The following DPH6 variants were observed in gnomAD, a reference collection of about 807,000 sequenced individuals.
The protein encoded by DPH6 is diphthine--ammonia ligase.
In DPH6, 33 loss-of-function variants were observed where a neutral mutation model predicts 38.2. The ratio of observed to expected loss-of-function variants is 0.86; its 90% CI spans 0.65 to 1.15. The LOEUF is 1.15. Ranked by LOEUF, DPH6 falls within the 50% of genes most tolerant of loss-of-function variation. DPH6 has a pLI of 0.00. For missense variants in DPH6, 325 were observed against 320.0 expected, an observed-to-expected ratio of 1.02 and a Z score of -0.12; for synonymous variants, 108 against 103.0, an observed-to-expected ratio of 1.05 and a Z score of -0.30.
At chr15:35,164,554 T>A in the DPH6 span, among the ~76,000 whole-genome samples, 1 of 151,930 alleles carries the variant, frequency 6.6e-6, no homozygotes, top group Non-Finnish European at 1.5e-5. Context: ...GTATTCATTC[T>A]AAATTAAAAG....
intron 3 of DPH6, among the ~76,000 whole-genome samples, chr15:35,473,768 C>T (rs1420119486): frequency 6.6e-6 from 1 of 152,042 alleles, no homozygotes; most frequent in Non-Finnish European, 1.5e-5. Flanking sequence ...CTAAATGCTC[C>T]TCAGTAGGGC....
At chr15:35,314,139 CT>C (rs1458125901) in intron 3 of DPH6, among the ~76,000 whole-genome samples, 1 of 150,590 alleles carries the variant, frequency 6.6e-6, no homozygotes, top group Admixed American at 6.6e-5. Context: ...GTCAAGAGCT[CT>C]GAATAGACAT....
intron 3 of DPH6, among the ~76,000 whole-genome samples, chr15:35,354,374 T>C (rs1344130588): frequency 6.6e-6 from 1 of 152,194 alleles, no homozygotes; most frequent in Non-Finnish European, 1.5e-5. Flanking sequence ...TCAAAGGGAA[T>C]GCTTCCAGTT....
At chr15:35,211,212 G>A in the DPH6 span, among the ~76,000 whole-genome samples, 2 of 151,902 alleles carry the variant, frequency 1.3e-5, no homozygotes, top group South Asian at 4.1e-4. Flanking sequence ...ACAGAGTGGT[G>A]GTGAATAAAA....
intron 4 of DPH6, among the ~76,000 whole-genome samples, chr15:35,453,101 A>T (rs1232936466): frequency 1.3e-5 from 2 of 152,242 alleles, no homozygotes; most frequent in Non-Finnish European, 2.9e-5. Context: ...AGGCTAATTC[A>T]AAATTGAGTT....
At chr15:35,364,966 T>C (rs750542110) in intron 3 of DPH6, among the ~76,000 whole-genome samples, 8 of 152,090 alleles carry the variant, frequency 5.3e-5, no homozygotes, top group Non-Finnish European at 7.4e-5. Context: ...TCTATCTTTG[T>C]TTCTCTTCAT....
intron 3 of DPH6, among the ~76,000 whole-genome samples, chr15:35,238,794 C>A (rs1284722719): frequency 1.3e-5 from 2 of 151,894 alleles, no homozygotes; most frequent in African/African-American, 4.8e-5. Flanking sequence ...CCCACTTTAA[C>A]TGAGTGATTA....
intron 3 of DPH6, among the ~76,000 whole-genome samples, chr15:35,526,735 T>C (rs2055009013): frequency 6.6e-6 from 1 of 152,142 alleles, no homozygotes; most frequent in Non-Finnish European, 1.5e-5. Context: ...CAAAATATAC[T>C]GCTTAGATTT....
At chr15:35,173,614 C>T in the DPH6 span, among the ~76,000 whole-genome samples, 1 of 151,676 alleles carries the variant, frequency 6.6e-6, no homozygotes, top group Admixed American at 6.6e-5. Context: ...AATGTCCAAA[C>T]TTCTTAGCAT....
At chr15:35,440,756 T>C (rs2053777440) in intron 5 of DPH6, among the ~76,000 whole-genome samples, 1 of 152,180 alleles carries the variant, frequency 6.6e-6, no homozygotes, top group African/African-American at 2.4e-5. Context: ...ACCAGGAATA[T>C]GTGCCTTATG....
intron 3 of DPH6, among the ~76,000 whole-genome samples, chr15:35,518,068 A>G (rs1446600510): frequency 6.6e-6 from 1 of 152,194 alleles, no homozygotes; most frequent in East Asian, 1.9e-4. Context: ...GTTTGAAATC[A>G]GTAAGGGAAG....
At chr15:35,295,746 GA>G (rs933226476) in intron 3 of DPH6, among the ~76,000 whole-genome samples, 3 of 151,932 alleles carry the variant, frequency 2.0e-5, no homozygotes, top group Admixed American at 6.6e-5. Flanking sequence ...TCAATTTAAT[GA>G]GTTATAACCC....
intron 3 of DPH6, among the ~76,000 whole-genome samples, chr15:35,302,495 C>T (rs1217970870): frequency 1.3e-5 from 2 of 152,110 alleles, no homozygotes; most frequent in African/African-American, 4.8e-5. Context: ...AAAATTGAGA[C>T]ATTTATGAAG....
At chr15:35,415,007 T>G (rs1407022766) in intron 5 of DPH6, among the ~76,000 whole-genome samples, 2 of 151,972 alleles carry the variant, frequency 1.3e-5, no homozygotes, top group Non-Finnish European at 2.9e-5. Context: ...CCAACTGCTT[T>G]TGCCTGCTTC....
intron 5 of DPH6, among the ~76,000 whole-genome samples, chr15:35,436,754 T>TG (rs1322594037): frequency 3.1e-4 from 2 of 6,366 alleles, no homozygotes; most frequent in Non-Finnish European, 3.9e-3. Context: ...TGCCTTTAAG[T>TG]TTTTTTTTTT....
intron 6 of DPH6, among the ~76,000 whole-genome samples, chr15:35,394,648 G>C (rs1382455805): frequency 6.6e-6 from 1 of 152,172 alleles, no homozygotes; most frequent in African/African-American, 2.4e-5. Context: ...AATCCTGGCT[G>C]TCACTTTCTA....
At chr15:35,538,554 T>C (rs921201111) in intron 2 of DPH6, 87 bp from the exon 3 acceptor site, 2 of 1,181,350 alleles carry the variant, frequency 1.7e-6, no homozygotes, top group East Asian at 2.7e-5. Context: ...ACTGCTTGAA[T>C]AGTCGACACA....
intron 3 of DPH6, among the ~76,000 whole-genome samples, chr15:35,270,681 A>G (rs1269918196): frequency 6.6e-6 from 1 of 152,226 alleles, no homozygotes; most frequent in Non-Finnish European, 1.5e-5. Context: ...ATCTTGAAAT[A>G]CTAAATATTC....
intron 5 of DPH6, among the ~76,000 whole-genome samples, chr15:35,412,619 T>A (rs1227893096): frequency 6.6e-6 from 1 of 151,694 alleles, no homozygotes; most frequent in African/African-American, 2.4e-5. Context: ...ATTGTGTATA[T>A]CCAGACAATG....
Sources: gnomAD v4.1 joint callset for allele counts (sites outside exome capture counted in the v4.1 genomes callset) on GRCh38, gnomAD v4.1.1 for gene constraint, MANE v1.5 for transcripts, NCBI Gene and HGNC (gene_info 2026-07-23, HGNC 2026-07-21) for gene names.